The following PPP3CA variants were observed in gnomAD, a reference collection of about 807,000 sequenced individuals.
PPP3CA encodes CAM-PRP catalytic subunit.
PPP3CA carries 14 observed loss-of-function variants against 66.5 expected under a neutral mutation model. The ratio of observed to expected loss-of-function variants is 0.21; its 90% CI spans 0.14 to 0.33. The LOEUF (loss-of-function observed/expected upper bound fraction) is 0.33. PPP3CA is among the 10% of genes least tolerant of loss of function. PPP3CA has a pLI of 1.00. For synonymous variants in PPP3CA, 232 were observed against 226.2 expected, an observed-to-expected ratio of 1.03 and a Z score of -0.23; for missense variants, 317 against 639.5, an observed-to-expected ratio of 0.50 and a Z score of 5.44.
At chr4:101,325,995 C>T (rs1007462583) in intron 1 of PPP3CA, among the ~76,000 whole-genome samples, 14 of 152,028 alleles carry the variant, frequency 9.2e-5, no homozygotes, top group African/African-American at 3.4e-4. Flanking sequence ...AAACATTAGC[C>T]AGGTGGGGTC....
chr4:101,048,747 T>C (rs1271313527), intron 10 of PPP3CA, among the ~76,000 whole-genome samples: 1 of 152,028 alleles, frequency 6.6e-6, no homozygotes, highest in Non-Finnish European at 1.5e-5. Flanking sequence ...TCCAAATCAC[T>C]CTAAAGCAAA....
chr4:101,182,128 G>GATCT (rs1243189243), intron 2 of PPP3CA, among the ~76,000 whole-genome samples: 2 of 152,058 alleles, frequency 1.3e-5, no homozygotes, highest in African/African-American at 4.8e-5. Context: ...CTTTTAAGGT[G>GATCT]ATAGACTGAG....
chr4:101,325,563 G>A (rs545198100), intron 1 of PPP3CA, among the ~76,000 whole-genome samples: 9 of 152,308 alleles, frequency 5.9e-5, no homozygotes, highest in Admixed American at 3.3e-4. Context: ...GAGTTAATAT[G>A]CATAAAATAT....
chr4:101,315,210 C>T lies in PPP3CA; in HGVS notation c.58+31529G>A, dbSNP rs759560276. 1.3e-5 allele frequency among the ~76,000 whole-genome samples: 2 copies of T among 152,184 alleles called. 1 individual carries two copies. Among genetic ancestry groups the T allele is most frequent in the Admixed American group, 1.3e-4 (2 of 15,280 alleles). ...TGTGAAGTTACAATGAAAAGACACA[C>T]ATCTATGAAGGAAATAGGCTCTCAT... On this transcript the variant is annotated intron_variant, in intron 1 of 13. Coordinates refer to ENST00000394854, the MANE Select transcript of PPP3CA (RefSeq NM_000944.5).
chr4:101,039,920 A>T (rs3804353), intron 11 of PPP3CA, among the ~76,000 whole-genome samples: 22,728 of 144,046 alleles, frequency 0.16, 5,859 homozygotes, highest in African/African-American at 0.45. Context: ...AAATAACTGG[A>T]GTTTCCTTCA....
chr4:101,295,728 T>C (rs1351701814), intron 1 of PPP3CA, among the ~76,000 whole-genome samples: 2 of 152,364 alleles, frequency 1.3e-5, no homozygotes, highest in Middle Eastern at 6.8e-3. Flanking sequence ...AACTTACAAA[T>C]AACTTTTTGC....
intron 1 of PPP3CA, among the ~76,000 whole-genome samples, chr4:101,300,957 A>G (rs1728357300): frequency 6.6e-6 from 1 of 152,216 alleles, no homozygotes; most frequent in Non-Finnish European, 1.5e-5. Flanking sequence ...CCAAAAAATA[A>G]TAATGAAAAG....
intron 1 of PPP3CA, among the ~76,000 whole-genome samples, chr4:101,246,140 A>C (rs535162242): frequency 2.1e-4 from 32 of 152,300 alleles, no homozygotes; most frequent in African/African-American, 7.5e-4. Flanking sequence ...TAAACTCCTT[A>C]AATAAAGTAT....
chr4:101,342,910 C>G (rs1729861841), intron 1 of PPP3CA, among the ~76,000 whole-genome samples: 1 of 152,144 alleles, frequency 6.6e-6, no homozygotes, highest in Admixed American at 6.5e-5. Flanking sequence ...TCCTTATTTA[C>G]TTAATAATAC....
chr4:101,189,484 A>G (rs1024190154), intron 2 of PPP3CA, among the ~76,000 whole-genome samples: 5 of 152,004 alleles, frequency 3.3e-5, no homozygotes, highest in Non-Finnish European at 7.4e-5. Flanking sequence ...CCACCCCCAA[A>G]TAAAACAGAA....
At chr4:101,156,725 CA>C (rs1723335438) in intron 2 of PPP3CA, among the ~76,000 whole-genome samples, 1 of 151,640 alleles carries the variant, frequency 6.6e-6, no homozygotes, top group South Asian at 2.1e-4. Context: ...GGACAAAGAA[CA>C]AAGCAATTTG....
intron 1 of PPP3CA, among the ~76,000 whole-genome samples, chr4:101,200,703 G>C (rs1724941519): frequency 6.6e-6 from 1 of 152,076 alleles, no homozygotes; most frequent in Non-Finnish European, 1.5e-5. Flanking sequence ...GATGATGGCT[G>C]CTAAGGAGTG....
intron 1 of PPP3CA, among the ~76,000 whole-genome samples, chr4:101,207,236 C>A (rs1725158683): frequency 6.6e-6 from 1 of 152,128 alleles, no homozygotes; most frequent in African/African-American, 2.4e-5. Context: ...TTTCAGAAAG[C>A]AGTTCAAATA....
At chr4:101,201,250 T>C (rs537962119) in intron 1 of PPP3CA, among the ~76,000 whole-genome samples, 35 of 152,360 alleles carry the variant, frequency 2.3e-4, no homozygotes, top group African/African-American at 8.4e-4. Flanking sequence ...TCTAAGTAAA[T>C]GAGAACAAGG....
Position 101,196,032 on chromosome 4 carries a change from G to T in PPP3CA, c.143C>A (p.Ala48Glu). The change falls in exon 2 of 14, where the codon GCG becomes GAG. Residue 48 changes from alanine to glutamate, a missense_variant. Around this residue, in one of 3 missense-constraint regions of PPP3CA, gnomAD observed 76 missense variants for 99.5 expected, o/e 0.76. Coordinates refer to ENST00000394854, the MANE Select transcript of PPP3CA (RefSeq NM_000944.5). The stretch of plus-strand genomic sequence containing the variant: ...CAGCCTTCCCTCCTTCATAAGATGC[G>T]CCTTTAAGATATCCACACGAGGTTT... ...DGKPRVDILK[A>E]HLMKEGRLEE... is the part of the protein sequence containing the mutation. 6.2e-7 allele frequency: 1 copy of T among 1,613,882 alleles called. No individual in the cohort carries two copies. The highest frequency in any genetic ancestry group is 8.5e-7 in the Non-Finnish European group (1 of 1,179,956).
intron 1 of PPP3CA, among the ~76,000 whole-genome samples, chr4:101,345,864 G>A (rs1729966579): frequency 6.6e-6 from 1 of 152,230 alleles, no homozygotes; most frequent in African/African-American, 2.4e-5. Context: ...GCCAGGGCAC[G>A]GAGGAAGCAG....
At chr4:101,054,635 C>T (rs571034741) in intron 10 of PPP3CA, among the ~76,000 whole-genome samples, 84 of 152,168 alleles carry the variant, frequency 5.5e-4, no homozygotes, top group African/African-American at 1.9e-3. Flanking sequence ...AAGTTCTGTA[C>T]AACTGTTAAC....
chr4:101,083,364 A>C, intron 6 of PPP3CA, 101 bp from the exon 7 acceptor site: 2 of 1,033,846 alleles, frequency 1.9e-6, no homozygotes, highest in South Asian at 2.9e-5. Flanking sequence ...ATCAAAGATA[A>C]TCAAACATAC....
chr4:101,339,233 TTC>T (rs1729732058), intron 1 of PPP3CA, among the ~76,000 whole-genome samples: 1 of 152,084 alleles, frequency 6.6e-6, no homozygotes. Context: ...TTCCAATTTG[TTC>T]TTTTTCATGA....
Sources: gnomAD v4.1 joint callset for allele counts (sites outside exome capture counted in the v4.1 genomes callset) on GRCh38, gnomAD v4.1.1 for gene constraint, gnomAD v4.1.1 regional missense constraint, MANE v1.5 for transcripts, NCBI Gene and HGNC (gene_info 2026-07-23, HGNC 2026-07-21) for gene names.